Variants in C1orf21 observed in about 807,000 individuals in gnomAD.
The protein encoded by C1orf21 is chromosome 1 open reading frame 21.
In C1orf21, 3 loss-of-function variants were observed where a neutral mutation model predicts 18.7. The ratio of observed to expected loss-of-function variants is 0.16; its 90% CI spans 0.07 to 0.42. C1orf21 has a LOEUF of 0.42. Ranked by LOEUF, C1orf21 falls within the 10% of genes least tolerant of loss-of-function variation. C1orf21 has a pLI of 0.99. For missense variants in C1orf21, 104 were observed against 143.6 expected (o/e 0.72, Z 1.41); for synonymous variants, 41 against 46.4 (o/e 0.88, Z 0.47).
intron 1 of C1orf21, among the ~76,000 whole-genome samples, chr1:184,415,961 G>C (rs983083250): frequency 6.6e-6 from 1 of 152,088 alleles, no homozygotes; most frequent in African/African-American, 2.4e-5. Context: ...CATCTTCTCA[G>C]GAATATAATC....
At chr1:184,402,603 C>CA (rs1169653842) in intron 1 of C1orf21, among the ~76,000 whole-genome samples, 2 of 141,994 alleles carry the variant, frequency 1.4e-5, no homozygotes, top group Admixed American at 1.4e-4. Flanking sequence ...GGTGACAGAG[C>CA]AAGACCCTGT....
chr1:184,397,448 T>A (rs1420167619), intron 1 of C1orf21, among the ~76,000 whole-genome samples: 1 of 152,116 alleles, frequency 6.6e-6, no homozygotes, highest in Non-Finnish European at 1.5e-5. Context: ...TAGCCAGGTG[T>A]GGTGGCGGGC....
At chr1:184,392,776 C>A in intron 1 of C1orf21, among the ~76,000 whole-genome samples, 1 of 144,978 alleles carries the variant, frequency 6.9e-6, no homozygotes, top group South Asian at 2.2e-4. Context: ...GAAGATTTTT[C>A]ATGTTTTTCT....
chr1:184,412,821 A>G (rs531637155), intron 1 of C1orf21, among the ~76,000 whole-genome samples: 21 of 152,316 alleles, frequency 1.4e-4, no homozygotes, highest in African/African-American at 4.6e-4. Flanking sequence ...AACAAAAACA[A>G]AAAATTCAGT....
intron 1 of C1orf21, among the ~76,000 whole-genome samples, chr1:184,444,392 C>T (rs1656997438): frequency 2.0e-5 from 3 of 152,082 alleles, no homozygotes; most frequent in African/African-American, 7.2e-5. Context: ...GTAGTGAATA[C>T]GTCTCATGAG....
chr1:184,434,157 A>C (rs905737852), intron 1 of C1orf21, among the ~76,000 whole-genome samples: 1 of 152,158 alleles, frequency 6.6e-6, no homozygotes, highest in Non-Finnish European at 1.5e-5. Context: ...TTGTTTAACA[A>C]GCACTTAGCA....
At chr1:184,596,394 AT>A (rs375497784) in intron 4 of C1orf21, among the ~76,000 whole-genome samples, 22 of 152,228 alleles carry the variant, frequency 1.4e-4, no homozygotes, top group African/African-American at 4.1e-4. Flanking sequence ...ATTAAGAAAT[AT>A]TTTTGGCCCT....
intron 2 of C1orf21, among the ~76,000 whole-genome samples, chr1:184,493,029 G>A (rs1019719367): frequency 6.6e-5 from 10 of 152,164 alleles, no homozygotes; most frequent in African/African-American, 2.2e-4. Context: ...AGGGCAAGAA[G>A]AAGTAAAAAT....
chr1:184,461,748 T>C (rs374148980), intron 1 of C1orf21, among the ~76,000 whole-genome samples: 19 of 152,216 alleles, frequency 1.2e-4, no homozygotes, highest in East Asian at 1.2e-3. Flanking sequence ...CAAATGATCA[T>C]GTCACCCTAT....
chr1:184,582,356 T>C (rs1226885551), intron 3 of C1orf21, among the ~76,000 whole-genome samples: 2 of 152,386 alleles, frequency 1.3e-5, no homozygotes, highest in African/African-American at 4.8e-5. Flanking sequence ...AAATTATTTT[T>C]TCTAGTTTTC....
At chr1:184,581,015 G>A (rs764325225) in intron 3 of C1orf21, among the ~76,000 whole-genome samples, 4 of 152,148 alleles carry the variant, frequency 2.6e-5, no homozygotes, top group Non-Finnish European at 5.9e-5. Flanking sequence ...CTCCAGCCAT[G>A]GTTATTATAA....
chr1:184,545,161 G>A (rs1658710977), intron 3 of C1orf21, among the ~76,000 whole-genome samples: 1 of 152,140 alleles, frequency 6.6e-6, no homozygotes, highest in Non-Finnish European at 1.5e-5. Context: ...CCATCTTGGA[G>A]TCTTCCTACC....
At chr1:184,504,946 T>C (rs1230811494) in intron 2 of C1orf21, among the ~76,000 whole-genome samples, 1 of 152,212 alleles carries the variant, frequency 6.6e-6, no homozygotes, top group Non-Finnish European at 1.5e-5. Context: ...GTGTTTAGAA[T>C]AATGCTGCTT....
chr1:184,500,284 C>A (rs1433446011), intron 2 of C1orf21, among the ~76,000 whole-genome samples: 1 of 152,132 alleles, frequency 6.6e-6, no homozygotes, highest in African/African-American at 2.4e-5. Flanking sequence ...ATAATAGTTC[C>A]TTGGTCACTG....
At chr1:184,615,862 T>G (rs1176871537) in intron 5 of C1orf21, among the ~76,000 whole-genome samples, 1 of 152,234 alleles carries the variant, frequency 6.6e-6, no homozygotes, top group Non-Finnish European at 1.5e-5. Context: ...TTTTGATACA[T>G]GCATACAGTG....
At chr1:184,569,948 A>G (rs992984444) in intron 3 of C1orf21, among the ~76,000 whole-genome samples, 1 of 152,220 alleles carries the variant, frequency 6.6e-6, no homozygotes, top group African/African-American at 2.4e-5. Context: ...TTCAAAAAGT[A>G]GCATGGACAC....
chr1:184,454,138 A>C (rs1288173421), intron 1 of C1orf21, among the ~76,000 whole-genome samples: 1 of 152,212 alleles, frequency 6.6e-6, no homozygotes, highest in African/African-American at 2.4e-5. Context: ...TTTAAAACTT[A>C]ATCCTTATCC....
chr1:184,536,099 A>G (rs951723752), intron 3 of C1orf21, among the ~76,000 whole-genome samples: 2 of 152,200 alleles, frequency 1.3e-5, no homozygotes, highest in African/African-American at 4.8e-5. Context: ...GTAATTTTCC[A>G]TCATTGTAAT....
At chr1:184,578,993 TAAAAAAAAAAAA>T (rs67905484) in intron 3 of C1orf21, among the ~76,000 whole-genome samples, 1 of 121,688 alleles carries the variant, frequency 8.2e-6, no homozygotes, top group Admixed American at 8.5e-5. Flanking sequence ...TTGTGAAGGT[TAAAAAAAAAAAA>T]AAAAAAAAAG....
Sources: allele counts gnomAD v4.1 joint callset (sites outside exome capture counted in the v4.1 genomes callset), GRCh38; gene constraint gnomAD v4.1.1; transcripts MANE v1.5; gene names NCBI Gene and HGNC (gene_info 2026-07-23, HGNC 2026-07-21).